The following NSUN7 variants were observed in gnomAD, a reference collection of about 807,000 sequenced individuals.
NSUN7 encodes the protein NOP2/Sun RNA methyltransferase family member 7.
A neutral mutation model predicts 58.5 loss-of-function variants in NSUN7; 39 were observed. That is an observed-to-expected ratio of 0.67 (90% CI 0.52 to 0.87). NSUN7 has a LOEUF of 0.87. Among genes scored for constraint, NSUN7 ranks in the 40% least tolerant of loss-of-function variants. The pLI is 0.00. For synonymous variants in NSUN7, 278 were observed against 303.7 expected, an observed-to-expected ratio of 0.92 and a Z score of 0.88; for missense variants, 765 against 844.1, an observed-to-expected ratio of 0.91 and a Z score of 1.16.
intron 8 of NSUN7, among the ~76,000 whole-genome samples, chr4:40,792,619 C>CACGT: frequency 6.6e-6 from 1 of 152,072 alleles, no homozygotes; most frequent in African/African-American, 2.4e-5. Flanking sequence ...GGCGAGGTGG[C>CACGT]GGGCGCCTGT....
intron 4 of NSUN7, among the ~76,000 whole-genome samples, chr4:40,769,368 C>T (rs2465558): frequency 2.0e-5 from 3 of 152,194 alleles, no homozygotes; most frequent in African/African-American, 7.2e-5. Flanking sequence ...CAAAATATAT[C>T]ATAGGACGTA....
rs1288380586 is a variant in NSUN7, at chr4:40,775,915, TA to T, written c.826-132del. 3 of 531,490 alleles carry T rather than the reference TA, an allele frequency of 5.6e-6. No homozygotes were observed. The highest frequency in any genetic ancestry group is 9.9e-6 in the Non-Finnish European group (3 of 304,260). The allele number at this position is 531,490 out of a possible 1,614,324, so 32.9% of individuals were successfully genotyped here. On this transcript the variant is annotated intron_variant, in intron 6 of 11. Transcript: ENST00000381782. The surrounding 1 kb of genome is among the most constrained non-coding windows in gnomAD (Gnocchi z 4.3). ...GTTAACTCTTTACTTAGACATATAT[TA>T]AGATGTTAAAACTAAAATTGGTTAG...
chr4:40,761,634 A>G (rs990728644), intron 4 of NSUN7, among the ~76,000 whole-genome samples: 2 of 152,222 alleles, frequency 1.3e-5, no homozygotes, highest in African/African-American at 2.4e-5. Context: ...AGCTTTGTAA[A>G]ACAAAGAAAA....
intron 7 of NSUN7, among the ~76,000 whole-genome samples, chr4:40,779,413 C>T (rs749912756): frequency 4.0e-4 from 61 of 152,104 alleles, no homozygotes; most frequent in Non-Finnish European, 8.2e-4. Context: ...ACCATCCTGG[C>T]TAACACGGTG....
chr4:40,774,479 A>G (rs193292940), intron 5 of NSUN7, 62 bp downstream of exon 5: 465 of 1,517,346 alleles, frequency 3.1e-4, no homozygotes, highest in Admixed American at 5.4e-4. Context: ...TAATGTGATG[A>G]GAAGCATTAC....
intron 7 of NSUN7, among the ~76,000 whole-genome samples, chr4:40,780,942 C>A (rs1425523227): frequency 1.3e-5 from 2 of 150,644 alleles, no homozygotes; most frequent in Non-Finnish European, 3.0e-5. Context: ...GCCTCAGCCT[C>A]CCAAGTAGCT....
intron 7 of NSUN7, among the ~76,000 whole-genome samples, chr4:40,785,887 G>A (rs951223402): frequency 2.6e-5 from 4 of 152,240 alleles, no homozygotes; most frequent in African/African-American, 9.6e-5. Flanking sequence ...TAGCATCAAA[G>A]CTGGCGCGCG....
intron 7 of NSUN7, among the ~76,000 whole-genome samples, chr4:40,787,278 G>C (rs1742871635): frequency 6.6e-6 from 1 of 150,920 alleles, no homozygotes; most frequent in Admixed American, 6.6e-5. Context: ...CTATGACCCT[G>C]CCACATCCCC....
chr4:40,753,666 G>A (rs1434945670), intron 2 of NSUN7, among the ~76,000 whole-genome samples: 1 of 152,132 alleles, frequency 6.6e-6, no homozygotes. Flanking sequence ...TTGTTTACTT[G>A]TTAAATATAT....
At chr4:40,753,803 T>A (rs991981937) in intron 2 of NSUN7, among the ~76,000 whole-genome samples, 6 of 152,186 alleles carry the variant, frequency 3.9e-5, no homozygotes, top group African/African-American at 1.4e-4. Context: ...GTCTTTCTTG[T>A]ACTTGTTCTC....
In NSUN7 at chr4:40,751,048, T is replaced by TG. The variant is rs569733154; in HGVS notation, c.298+61dup. The TG allele has an allele frequency of 6.4e-6, 10 of 1,573,996 alleles. No individual in the cohort carries two copies. The South Asian group carries it at 8.2e-5, about 13-fold the overall frequency. The stretch of plus-strand genomic sequence containing the variant: ...AAAAGAAAATAATAGCGAGAGAATT[T>TG]GGGGAATGCAGCCCTCCTCCTCCCT... On this transcript the variant is annotated intron_variant, in intron 2 of 11. Coordinates refer to ENST00000381782, the MANE Select transcript of NSUN7 (RefSeq NM_024677.6).
intron 2 of NSUN7, among the ~76,000 whole-genome samples, chr4:40,751,788 G>A (rs1456993529): frequency 3.2e-4 from 48 of 152,074 alleles, no homozygotes; most frequent in Non-Finnish European, 5.9e-5. Context: ...GAGCTCAGGC[G>A]TTAAAGACCA....
intron 2 of NSUN7, among the ~76,000 whole-genome samples, chr4:40,755,181 C>T (rs895980727): frequency 5.9e-5 from 9 of 152,208 alleles, no homozygotes; most frequent in African/African-American, 2.2e-4. Context: ...CCTCTTTCTC[C>T]CAGGTTCAAG....
Position 40,798,919 on chromosome 4 carries a change from G to T in NSUN7, c.1400+15G>T. ...CAACCTTACAGGTAAGAAAAGGAAG[G>T]ATTCTTCTAAACAACTCAAACAAAT... On this transcript the variant is annotated intron_variant, in intron 10 of 11. Coordinates refer to ENST00000381782, the MANE Select transcript of NSUN7 (RefSeq NM_024677.6). 1 of 1,329,576 alleles carries T rather than the reference G, an allele frequency of 7.5e-7. No individual in the cohort carries two copies. The highest frequency in any genetic ancestry group is 1.2e-5 in the South Asian group (1 of 80,438). The allele number at this position is 1,329,576 out of a possible 1,614,324, so 82.4% of individuals were successfully genotyped here.
In NSUN7 at chr4:40,798,801, G is replaced by A. The variant is rs1560563587; in HGVS notation, c.1297G>A (p.Ala433Thr). 2 of 1,603,262 alleles carry A rather than the reference G, an allele frequency of 1.2e-6. No homozygotes were observed. The highest frequency in any genetic ancestry group is 1.7e-6 in the Non-Finnish European group (2 of 1,172,318). Residue 433 changes from alanine (A) to threonine (T), a missense_variant, in exon 10 of 12, where the codon GCA becomes ACA. Coordinates refer to ENST00000381782, the MANE Select transcript of NSUN7 (RefSeq NM_024677.6). Reference protein sequence around the residue: ...THAMKFTKAQAVVYCTCSVFP... With the variant: ...THAMKFTKAQTVVYCTCSVFP... ...TTCTAATATAGTTACTAAAGCTCAA[G>A]CAGTTGTTTACTGCACATGTTCAGT...
intron 8 of NSUN7, among the ~76,000 whole-genome samples, chr4:40,793,970 T>C (rs1743213255): frequency 6.6e-6 from 1 of 152,228 alleles, no homozygotes; most frequent in Non-Finnish European, 1.5e-5. Context: ...TTTTAAACCA[T>C]ATCCTTGTGT....
chr4:40,798,862 C>G lies in NSUN7; in HGVS notation c.1358C>G (p.Ala453Gly). 1 of 1,611,834 alleles carries G rather than the reference C, an allele frequency of 6.2e-7. No homozygotes were observed. The highest frequency in any genetic ancestry group is 8.5e-7 in the Non-Finnish European group (1 of 1,178,578). The change falls in exon 10 of 12, where the codon GCA (alanine) becomes GGA (glycine). Residue 453 changes from alanine to glycine, a missense_variant. Ala to Gly is a moderately conservative substitution (Grantham distance 60). Coordinates refer to ENST00000381782, the MANE Select transcript of NSUN7 (RefSeq NM_024677.6). ...PEENEAVVKK[A>G]LEFQDLGNKG... ...GAAAATGAAGCTGTTGTTAAGAAAGCACTGGAATTTCAAGACCTTGGGAAT... is the reference window on the plus strand; with the variant it reads ...GAAAATGAAGCTGTTGTTAAGAAAGGACTGGAATTTCAAGACCTTGGGAAT...
chr4:40,792,707 G>C (rs185615760), intron 8 of NSUN7, among the ~76,000 whole-genome samples: 4,523 of 152,050 alleles, frequency 0.03, 205 homozygotes, highest in African/African-American at 0.1. Flanking sequence ...AGCCGAGATC[G>C]CGCCACTGCA....
rs148130850 is a variant in NSUN7, at chr4:40,750,869, T to A, written c.176T>A (p.Ile59Asn). The part of the protein sequence containing the change: ...MAANIFQGIR[I>N]EKSAQKVLIK... ...GCCAACATTTTTCAGGGTATTCGAA[T>A]CGAAAAGTCGGCACAGAAAGTCTTA... Residue 59 changes from isoleucine (I) to asparagine (N), a missense_variant, in exon 2 of 12, where the codon ATC becomes AAC. Ile to Asn is a moderately radical substitution (Grantham distance 149). Coordinates refer to ENST00000381782, the MANE Select transcript of NSUN7 (RefSeq NM_024677.6). 6.2e-7 allele frequency: 1 copy of A among 1,614,054 alleles called. No homozygotes were observed. The highest frequency in any genetic ancestry group is 1.3e-5 in the African/African-American group (1 of 74,928).
Sources: allele counts gnomAD v4.1 joint callset (sites outside exome capture counted in the v4.1 genomes callset), GRCh38; gene constraint gnomAD v4.1.1; non-coding constraint Gnocchi (gnomAD v3.1); transcripts MANE v1.5; gene names NCBI Gene and HGNC (gene_info 2026-07-23, HGNC 2026-07-21).